Variants in FGGY observed in about 807,000 individuals in gnomAD.
FGGY encodes FGGY carbohydrate kinase domain-containing protein.
FGGY carries 72 observed loss-of-function variants against 71.3 expected under a neutral mutation model. The observed-to-expected ratio is 1.01, with a 90% confidence interval of 0.84 to 1.23. FGGY has a LOEUF of 1.23. Among genes scored for constraint, FGGY ranks in the 50% most tolerant of loss-of-function variants. FGGY has a pLI of 0.00. For missense variants in FGGY, 668 were observed against 682.3 expected, an observed-to-expected ratio of 0.98 and a Z score of 0.23; for synonymous variants, 251 against 250.3, an observed-to-expected ratio of 1.00 and a Z score of -0.02.
At chr1:59,689,548 T>G (rs1558806507) in intron 14 of FGGY, among the ~76,000 whole-genome samples, 1 of 152,028 alleles carries the variant, frequency 6.6e-6, no homozygotes, top group African/African-American at 2.4e-5. Context: ...TGCAAGCTGA[T>G]AGTCTCACTT....
At chr1:59,462,876 C>G (rs199999685) in intron 6 of FGGY, among the ~76,000 whole-genome samples, 10,078 of 151,402 alleles carry the variant, frequency 0.067, 466 homozygotes, top group East Asian at 0.13. Flanking sequence ...TAAACTAGTT[C>G]AACCATTGTG....
chr1:59,420,095 A>C (rs1463222792), intron 5 of FGGY, among the ~76,000 whole-genome samples: 5 of 152,352 alleles, frequency 3.3e-5, no homozygotes, highest in Middle Eastern at 3.4e-3. Flanking sequence ...TCCTGAAATT[A>C]TGAAATGTAA....
intron 6 of FGGY, among the ~76,000 whole-genome samples, chr1:59,503,861 GTC>G (rs1253803104): frequency 6.6e-6 from 1 of 151,782 alleles, no homozygotes; most frequent in African/African-American, 2.4e-5. Context: ...TCAGGCAACA[GTC>G]TCTCTCAGTG....
At chr1:59,728,337 C>T (rs2097975586) in intron 14 of FGGY, among the ~76,000 whole-genome samples, 1 of 151,998 alleles carries the variant, frequency 6.6e-6, no homozygotes. Flanking sequence ...TCCTTCCTAT[C>T]CATTATAACA....
chr1:59,552,770 C>T (rs2095628844), intron 7 of FGGY, among the ~76,000 whole-genome samples: 2 of 152,170 alleles, frequency 1.3e-5, no homozygotes, highest in South Asian at 4.1e-4. Context: ...ATCTCCTTCC[C>T]ACCAGACTGT....
At chr1:59,400,276 C>G (rs1221379770) in intron 5 of FGGY, among the ~76,000 whole-genome samples, 1 of 152,202 alleles carries the variant, frequency 6.6e-6, no homozygotes, top group Non-Finnish European at 1.5e-5. Flanking sequence ...CCACTCCTTT[C>G]ATTTATTCAC....
intron 9 of FGGY, among the ~76,000 whole-genome samples, chr1:59,613,230 T>C (rs1335536879): frequency 2.0e-5 from 3 of 152,200 alleles, no homozygotes; most frequent in African/African-American, 7.2e-5. Flanking sequence ...TATTCCAAAA[T>C]TGACCACATA....
At chr1:59,602,566 CT>C (rs2096588206) in intron 8 of FGGY, among the ~76,000 whole-genome samples, 1 of 152,176 alleles carries the variant, frequency 6.6e-6, no homozygotes, top group Non-Finnish European at 1.5e-5. Flanking sequence ...ACCATGCGAT[CT>C]TTTATTTAAA....
At chr1:59,576,673 GACAGACACACACACAC>G (rs1447982593) in intron 8 of FGGY, among the ~76,000 whole-genome samples, 6 of 132,406 alleles carry the variant, frequency 4.5e-5, no homozygotes, top group African/African-American at 1.7e-4. Flanking sequence ...CAGACAGACA[GACAGACACACACACAC>G]ACACACACAC....
chr1:59,518,240 CAT>C (rs1460339076), intron 7 of FGGY, among the ~76,000 whole-genome samples: 3 of 152,192 alleles, frequency 2.0e-5, no homozygotes, highest in Non-Finnish European at 2.9e-5. Context: ...TAGAACAACA[CAT>C]AGTTTGTTCC....
At chr1:59,329,174 C>T (rs570790578) in intron 2 of FGGY, among the ~76,000 whole-genome samples, 6 of 152,270 alleles carry the variant, frequency 3.9e-5, no homozygotes, top group South Asian at 2.1e-4. Flanking sequence ...CCTCAAACTG[C>T]GGTTTTAGTT....
intron 5 of FGGY, among the ~76,000 whole-genome samples, chr1:59,394,523 G>A (rs115832812): frequency 0.021 from 3,180 of 152,154 alleles, 113 homozygotes; most frequent in African/African-American, 0.072. Context: ...GGCTTGTTGC[G>A]GGATTGAACA....
intron 6 of FGGY, among the ~76,000 whole-genome samples, chr1:59,504,239 A>G (rs983965143): frequency 6.6e-6 from 1 of 152,122 alleles, no homozygotes; most frequent in Non-Finnish European, 1.5e-5. Context: ...GCATCTGTTC[A>G]TCTGTATCCT....
chr1:59,751,989 T>C (rs1251067224), intron 14 of FGGY, among the ~76,000 whole-genome samples: 2 of 152,220 alleles, frequency 1.3e-5, no homozygotes, highest in Admixed American at 6.5e-5. Context: ...GGGAGTGCCA[T>C]AGGGCCATCC....
intron 6 of FGGY, among the ~76,000 whole-genome samples, chr1:59,496,400 A>G (rs987056893): frequency 2.0e-5 from 3 of 152,200 alleles, no homozygotes; most frequent in South Asian, 2.1e-4. Context: ...GCTGGAGGCC[A>G]TTATCCTAAG....
chr1:59,625,973 T>C lies in FGGY; in HGVS notation c.1012-15T>C, dbSNP rs770848361. On this transcript the variant is annotated splice_polypyrimidine_tract_variant and intron_variant, in intron 9 of 15. Coordinates refer to ENST00000303721, the MANE Select transcript of FGGY (RefSeq NM_018291.5). ...AAAGAAGCTATAAAATTGACCCATG[T>C]CTCTTATTTTTCAGATAGACCACAT... The C allele has an allele frequency of 1.8e-5, 28 of 1,589,214 alleles. No individual in the cohort carries two copies. The highest frequency in any genetic ancestry group is 2.4e-5 in the Non-Finnish European group (28 of 1,168,648).
chr1:59,339,698 T>C (rs1044114275), intron 2 of FGGY, among the ~76,000 whole-genome samples: 1 of 152,004 alleles, frequency 6.6e-6, no homozygotes, highest in African/African-American at 2.4e-5. Context: ...CTCCTGACCT[T>C]GTGATCTACC....
intron 11 of FGGY, among the ~76,000 whole-genome samples, chr1:59,654,882 G>A (rs2097203933): frequency 6.6e-6 from 1 of 152,224 alleles, no homozygotes; most frequent in Admixed American, 6.5e-5. Context: ...AGGGTGGACA[G>A]TAACCATCTG....
At chr1:59,457,353 G>A (rs1007998440) in intron 6 of FGGY, among the ~76,000 whole-genome samples, 1 of 152,242 alleles carries the variant, frequency 6.6e-6, no homozygotes, top group African/African-American at 2.4e-5. Context: ...GCTCACACCT[G>A]TAATCCCAGC....
Sources: gnomAD v4.1 joint callset for allele counts (sites outside exome capture counted in the v4.1 genomes callset) on GRCh38, gnomAD v4.1.1 for gene constraint, MANE v1.5 for transcripts, NCBI Gene and HGNC (gene_info 2026-07-23, HGNC 2026-07-21) for gene names.